ETV1: variants seen among roughly 807,000 people sequenced by gnomAD.
The protein encoded by ETV1 is ETS translocation variant 1.
ETV1 carries 27 observed loss-of-function variants against 62.3 expected under a neutral mutation model. That is an observed-to-expected ratio of 0.43 (90% confidence interval 0.32 to 0.60). The LOEUF is 0.60. Among genes scored for constraint, ETV1 ranks in the 20% least tolerant of loss-of-function variants. The pLI is 0.06. For synonymous variants in ETV1, 222 were observed against 199.6 expected (o/e 1.11, Z -0.94); for missense variants, 605 against 605.8 (o/e 1.00, Z 0.01).
intron 6 of ETV1, among the ~76,000 whole-genome samples, chr7:13,973,655 A>T (rs1298037358): frequency 4.7e-5 from 7 of 150,100 alleles, no homozygotes; most frequent in East Asian, 1.9e-4. Flanking sequence ...TTTTTTTTTT[A>T]AATTAGGCGA....
chr7:13,905,613 G>T, intron 12 of ETV1, among the ~76,000 whole-genome samples: 1 of 152,142 alleles, frequency 6.6e-6, no homozygotes, highest in East Asian at 1.9e-4. Flanking sequence ...ACTGAACTGA[G>T]AAATTCTTCA....
chr7:13,963,880 T>C (rs1337654501), intron 6 of ETV1, among the ~76,000 whole-genome samples: 1 of 152,212 alleles, frequency 6.6e-6, no homozygotes, highest in Admixed American at 6.5e-5. Flanking sequence ...CTGACGTTTA[T>C]TGATTAGCTG....
chr7:13,909,979 C>T (rs759290887), intron 10 of ETV1, among the ~76,000 whole-genome samples: 1 of 152,080 alleles, frequency 6.6e-6, no homozygotes, highest in Non-Finnish European at 1.5e-5. Context: ...ACATTGTTAA[C>T]TCAAGCCAGA....
At chr7:13,939,089 C>T in intron 7 of ETV1, 28 bp downstream of exon 7, 1 of 1,601,682 alleles carries the variant, frequency 6.2e-7, no homozygotes, top group South Asian at 1.1e-5. Flanking sequence ...GAACCACTAT[C>T]CTACATACAT....
chr7:13,953,699 G>C (rs979587552), intron 6 of ETV1, among the ~76,000 whole-genome samples: 2 of 151,584 alleles, frequency 1.3e-5, no homozygotes, highest in Non-Finnish European at 2.9e-5. Flanking sequence ...AAAGAAAAAG[G>C]TGGGCTTCCT....
rs983980377 is a variant in ETV1, at chr7:13,923,202, T to C, written c.802+8300A>G. Among the ~76,000 whole-genome samples, 4 of 152,176 alleles carry C rather than the reference T, an allele frequency of 2.6e-5. No homozygotes were observed. The East Asian group carries it at 7.7e-4, about 29-fold the overall frequency. On this transcript the variant is annotated intron_variant, in intron 9 of 13. Transcript: ENST00000430479. ...ATGGATGCAGAAAATAACCATGTTGTTCTTGCTCCATTACCCAATTATTTA... is the reference window on the plus strand; with the variant it reads ...ATGGATGCAGAAAATAACCATGTTGCTCTTGCTCCATTACCCAATTATTTA...
At chr7:13,930,116 C>A (rs1290285832) in intron 9 of ETV1, among the ~76,000 whole-genome samples, 3 of 152,046 alleles carry the variant, frequency 2.0e-5, no homozygotes, top group African/African-American at 7.2e-5. Context: ...ACCACAGATA[C>A]AATAATGTTA....
At chr7:13,946,241 A>G (rs1166705588) in intron 6 of ETV1, among the ~76,000 whole-genome samples, 2 of 152,180 alleles carry the variant, frequency 1.3e-5, no homozygotes, top group African/African-American at 4.8e-5. Flanking sequence ...TTCCATGGAA[A>G]CTTTTATGAT....
At position 13,895,816 on chromosome 7, in the gene ETV1, T is replaced by C; in HGVS notation, c.*50A>G. ...AAAGATTCAGCAATTCTCTGTATCT[T>C]GCAGAAAAAAGGAAAAGCGCAAAAA... On this transcript the variant is annotated 3_prime_UTR_variant, in exon 14 of 14. Coordinates refer to ENST00000430479, the MANE Select transcript of ETV1 (RefSeq NM_004956.5). 3.3e-6 allele frequency: 4 copies of C among 1,215,716 alleles called. No homozygotes were observed. Among genetic ancestry groups the C allele is most frequent in the Non-Finnish European group, 4.8e-6 (4 of 833,736 alleles). 75.3% of individuals were successfully genotyped at this position (1,215,716 alleles called of 1,614,324 possible).
intron 6 of ETV1, among the ~76,000 whole-genome samples, chr7:13,955,625 T>C (rs1446191122): frequency 1.3e-5 from 2 of 152,186 alleles, no homozygotes; most frequent in African/African-American, 4.8e-5. Context: ...GAGGAGACAC[T>C]GTGTAAGACA....
chr7:13,939,086 T>C (rs767591928), intron 7 of ETV1, 31 bp downstream of exon 7: 5 of 1,591,740 alleles, frequency 3.1e-6, no homozygotes, highest in Non-Finnish European at 3.4e-6. Context: ...TAAGAACCAC[T>C]ATCCTACATA....
intron 8 of ETV1, among the ~76,000 whole-genome samples, chr7:13,934,007 G>A (rs1409195966): frequency 6.6e-6 from 1 of 152,172 alleles, no homozygotes; most frequent in Admixed American, 6.5e-5. Flanking sequence ...GCACTGATCA[G>A]AAGAGTGAGA....
At chr7:13,935,980 A>G (rs921660284) in intron 7 of ETV1, 84 bp from the exon 8 acceptor site, 105 of 1,104,854 alleles carry the variant, frequency 9.5e-5, no homozygotes, top group Middle Eastern at 2.9e-4. Context: ...GGAAGAAAAG[A>G]TATTTTAGAC....
Position 13,935,851 on chromosome 7 carries a change from G to A in ETV1, c.411C>T (p.Pro137=), listed in dbSNP as rs759513197. ...ACACTGGCGTGCTGGATGGTGTGGG[G>A]GGGTTGGAGGGCCTCATTCCCACTT... The part of the protein sequence containing the change: ...KPQVGMRPSN[P]PTPSSTPVSP... Residue 137 remains proline, a synonymous_variant, in exon 8 of 14, where the codon CCC becomes CCT. Coordinates refer to ENST00000430479, the MANE Select transcript of ETV1 (RefSeq NM_004956.5). 17 of 1,613,936 alleles carry A rather than the reference G, an allele frequency of 1.1e-5. No individual in the cohort carries two copies. The highest frequency in any genetic ancestry group is 1.3e-5 in the Non-Finnish European group (15 of 1,179,868).
intron 9 of ETV1, among the ~76,000 whole-genome samples, chr7:13,925,304 T>A (rs1018908769): frequency 2.6e-5 from 4 of 152,124 alleles, no homozygotes; most frequent in African/African-American, 9.7e-5. Context: ...AACCAACTAC[T>A]GAGTTAAGAT....
chr7:13,953,976 G>T (rs1451724724), intron 6 of ETV1, among the ~76,000 whole-genome samples: 2 of 152,116 alleles, frequency 1.3e-5, no homozygotes, highest in Non-Finnish European at 2.9e-5. Context: ...AAACACAGGA[G>T]CTCCACCTTA....
In ETV1 at chr7:13,895,710, G is replaced by A. The variant is rs1781703950; in HGVS notation, c.*156C>T. On this transcript the variant is annotated 3_prime_UTR_variant, in exon 14 of 14. Transcript: ENST00000430479. ...CAAATAAAGTGCACAGTCCATGGCA[G>A]ACCATAGAATAATGCAACAGGAAAA... The A allele has an allele frequency of 1.6e-6, 1 of 634,800 alleles. No homozygotes were observed. The highest frequency in any genetic ancestry group is 2.9e-5 in the Admixed American group (1 of 34,884). 39.3% of individuals were successfully genotyped at this position (634,800 alleles called of 1,614,324 possible).
In ETV1 at chr7:13,897,162, G is replaced by A. The variant is rs58969704; in HGVS notation, c.1213-1075C>T. 2.6e-3 allele frequency among the ~76,000 whole-genome samples: 393 copies of A among 151,894 alleles called. 5 individuals carry two copies. The highest frequency in any genetic ancestry group is 8.8e-3 in the African/African-American group (365 of 41,410). Reference sequence around the variant, plus strand: ...CTCAAAACCCGGGGTGGGGGGATGGGTGGATGAATACAGTTCTTTCTATTA... The same window carrying A: ...CTCAAAACCCGGGGTGGGGGGATGGATGGATGAATACAGTTCTTTCTATTA... On this transcript the variant is annotated intron_variant, in intron 13 of 13. Transcript: ENST00000430479.
chr7:13,916,566 A>G (rs377141663), intron 9 of ETV1, among the ~76,000 whole-genome samples: 4 of 152,068 alleles, frequency 2.6e-5, no homozygotes, highest in Non-Finnish European at 4.4e-5. Context: ...TGAACCCAGG[A>G]GCCGGAGGTT....
Sources: allele counts gnomAD v4.1 joint callset (sites outside exome capture counted in the v4.1 genomes callset), GRCh38; gene constraint gnomAD v4.1.1; transcripts MANE v1.5; gene names NCBI Gene and HGNC (gene_info 2026-07-23, HGNC 2026-07-21).